Variants in CNOT6L observed in about 807,000 individuals in gnomAD.
The protein encoded by CNOT6L is CCR4-NOT transcription complex subunit 6-like.
A neutral mutation model predicts 64.0 loss-of-function variants in CNOT6L; 7 were observed. The observed-to-expected ratio is 0.11, with a 90% CI of 0.06 to 0.21. The LOEUF (loss-of-function observed/expected upper bound fraction) is 0.21. Ranked by LOEUF, CNOT6L falls within the 10% of genes least tolerant of loss-of-function variation. The probability of loss-of-function intolerance (pLI) is 1.00; values close to 1 mark genes in which losing one functional copy is unlikely to be tolerated. For missense variants in CNOT6L, 245 were observed against 669.0 expected, an observed-to-expected ratio of 0.37 and a Z score of 6.99; for synonymous variants, 193 against 243.4, an observed-to-expected ratio of 0.79 and a Z score of 1.93.
intron 1 of CNOT6L, among the ~76,000 whole-genome samples, chr4:77,814,672 G>A (rs1733357982): frequency 6.6e-6 from 1 of 152,086 alleles, no homozygotes. Context: ...ATTTACCATG[G>A]AGAAGTTAAC....
At chr4:77,781,715 T>G (rs1189235167) in intron 1 of CNOT6L, among the ~76,000 whole-genome samples, 2 of 3,574 alleles carry the variant, frequency 5.6e-4, no homozygotes, top group Admixed American at 2.6e-3. Context: ...TAAAGTAGCT[T>G]ACAAAAAACG....
chr4:77,804,037 C>G (rs1045447034), intron 1 of CNOT6L, among the ~76,000 whole-genome samples: 3 of 151,984 alleles, frequency 2.0e-5, no homozygotes, highest in Admixed American at 1.3e-4. Context: ...GGTATACACC[C>G]AAGAGAAATG....
chr4:77,763,525 C>T (rs1168076491), intron 4 of CNOT6L, among the ~76,000 whole-genome samples: 3 of 151,994 alleles, frequency 2.0e-5, no homozygotes, highest in Non-Finnish European at 4.4e-5. Context: ...CAAAAACTGA[C>T]TGAACTACAT....
At chr4:77,780,854 T>G (rs1364789760) in intron 1 of CNOT6L, among the ~76,000 whole-genome samples, 1 of 152,118 alleles carries the variant, frequency 6.6e-6, no homozygotes, top group Non-Finnish European at 1.5e-5. Flanking sequence ...TCCCACCTAG[T>G]TGGGTGGCTG....
chr4:77,783,186 G>A (rs1431027671), intron 1 of CNOT6L, among the ~76,000 whole-genome samples: 2 of 138,570 alleles, frequency 1.4e-5, no homozygotes. Flanking sequence ...GTTTTATAAT[G>A]GCAAAGTCAC....
At chr4:77,746,394 T>A (rs998721853) in intron 6 of CNOT6L, among the ~76,000 whole-genome samples, 4 of 152,150 alleles carry the variant, frequency 2.6e-5, no homozygotes, top group African/African-American at 9.7e-5. Flanking sequence ...TTTTAAGCAA[T>A]AAATCACCCT....
chr4:77,759,580 A>C (rs1294803925), intron 4 of CNOT6L, among the ~76,000 whole-genome samples: 2 of 151,786 alleles, frequency 1.3e-5, no homozygotes, highest in Non-Finnish European at 2.9e-5. Context: ...AAGAAGAAAA[A>C]AAAAAACAAC....
chr4:77,792,493 A>C (rs1483579259), intron 1 of CNOT6L, among the ~76,000 whole-genome samples: 1 of 152,120 alleles, frequency 6.6e-6, no homozygotes. Flanking sequence ...TGGGAGGCTG[A>C]GGTGGGCAGA....
At chr4:77,728,406 G>C (rs1394210268) in intron 10 of CNOT6L, among the ~76,000 whole-genome samples, 1 of 152,174 alleles carries the variant, frequency 6.6e-6, no homozygotes, top group Non-Finnish European at 1.5e-5. Flanking sequence ...AGCCTAGCAG[G>C]AGATGAAAGG....
intron 2 of CNOT6L, 100 bp from the exon 3 acceptor site, chr4:77,774,816 A>T (rs1378005877): frequency 1.2e-5 from 8 of 650,536 alleles, no homozygotes; most frequent in Non-Finnish European, 2.0e-5. Context: ...GCAAATACAC[A>T]TGGATATTGT....
chr4:77,783,299 G>A (rs187096842), intron 1 of CNOT6L, among the ~76,000 whole-genome samples: 23 of 152,102 alleles, frequency 1.5e-4, no homozygotes, highest in Admixed American at 1.2e-3. Context: ...TATTCCTTAC[G>A]ACATTTACTG....
intron 1 of CNOT6L, among the ~76,000 whole-genome samples, chr4:77,797,075 C>CCA (rs1378655057): frequency 7.4e-6 from 1 of 135,520 alleles, no homozygotes; most frequent in African/African-American, 2.8e-5. Flanking sequence ...CCACTGCACT[C>CCA]CAGCCTGACA....
At chr4:77,778,213 A>ATTAT (rs1728369609) in intron 1 of CNOT6L, among the ~76,000 whole-genome samples, 1 of 152,218 alleles carries the variant, frequency 6.6e-6, no homozygotes, top group Non-Finnish European at 1.5e-5. Context: ...TCTGCTGGAC[A>ATTAT]CCATAAGGCA....
At chr4:77,780,806 C>T (rs1211987317) in intron 1 of CNOT6L, among the ~76,000 whole-genome samples, 2 of 152,082 alleles carry the variant, frequency 1.3e-5, no homozygotes, top group African/African-American at 2.4e-5. Context: ...TCATAGGAAA[C>T]GTATTTCAAA....
intron 1 of CNOT6L, among the ~76,000 whole-genome samples, chr4:77,784,957 G>A (rs907244078): frequency 2.6e-5 from 4 of 151,862 alleles, no homozygotes; most frequent in African/African-American, 7.3e-5. Flanking sequence ...AAATTTATAC[G>A]GAAAGACAAT....
At chr4:77,755,223 GTTTTTTTTTTTTTTTTTT>G (rs869054667) in intron 5 of CNOT6L, among the ~76,000 whole-genome samples, 5 of 70,434 alleles carry the variant, frequency 7.1e-5, no homozygotes, top group South Asian at 7.5e-4. Context: ...AGAGACAAGA[GTTTTTTTTTTTTTTTTTT>G]TTTTTTTTTT....
At chr4:77,768,419 C>T (rs1333388478) in intron 4 of CNOT6L, among the ~76,000 whole-genome samples, 2 of 149,030 alleles carry the variant, frequency 1.3e-5, no homozygotes, top group Admixed American at 6.7e-5. Context: ...TGGCCGAGAT[C>T]GCGCCACTGC....
At chr4:77,810,791 C>G (rs1210199336) in intron 1 of CNOT6L, among the ~76,000 whole-genome samples, 1 of 152,134 alleles carries the variant, frequency 6.6e-6, no homozygotes, top group Non-Finnish European at 1.5e-5. Flanking sequence ...CTCCCTAGCC[C>G]TCTTCCCCCT....
rs1163787942 is a variant in CNOT6L at position 77,719,641 on chromosome 4, A to T, written c.*790T>A. On this transcript the variant is annotated 3_prime_UTR_variant, in exon 12 of 12. Transcript: ENST00000504123. ...TCCGTGGGCATCCTAAACATACCAC[A>T]TTCTATTTTCAAGGTATGTGGCAAT... The T allele has an allele frequency of 6.6e-6, 1 of 152,668 alleles. No homozygotes were observed. The highest frequency in any genetic ancestry group is 1.5e-5 in the Non-Finnish European group (1 of 68,038). 9.5% of individuals were successfully genotyped at this position (152,668 alleles called of 1,614,324 possible). A position where few individuals can be genotyped will look rare whatever the true frequency, so the allele number is the denominator to read the frequency against.
Sources: gnomAD v4.1 joint callset for allele counts (sites outside exome capture counted in the v4.1 genomes callset) on GRCh38, gnomAD v4.1.1 for gene constraint, MANE v1.5 for transcripts, NCBI Gene and HGNC (gene_info 2026-07-23, HGNC 2026-07-21) for gene names.